PKD1: variants seen among roughly 807,000 people sequenced by gnomAD.
PKD1 encodes polycystin 1, transient receptor potential channel interacting.
A neutral mutation model predicts 361.7 loss-of-function variants in PKD1; 81 were observed. The observed-to-expected ratio is 0.22, with a 90% CI of 0.19 to 0.27. The LOEUF is 0.27. Ranked by LOEUF, PKD1 falls within the 10% of genes least tolerant of loss-of-function variation. PKD1 has a pLI of 1.00. For missense variants in PKD1, 6,399 were observed against 6,118.3 expected (o/e 1.05, Z -1.53); for synonymous variants, 3,615 against 2,818.3 (o/e 1.28, Z -8.95).
intron 1 of PKD1, among the ~76,000 whole-genome samples, chr16:2,129,414 C>T (rs1397228529): frequency 2.6e-5 from 4 of 151,870 alleles, no homozygotes; most frequent in Non-Finnish European, 4.4e-5. Context: ...AGGCGTGAGG[C>T]ACCGCGCCCG....
rs754490108 is a variant in PKD1 at position 2,100,610 on chromosome 16, A to G, written c.9398-44T>C. On this transcript the variant is annotated intron_variant, in intron 26 of 45. Transcript: ENST00000262304. The surrounding 1 kb of genome is among the most constrained non-coding windows in gnomAD (Gnocchi z 4.4). ...GGGTGGGAGGCTCGGTCTGCTGCCC[A>G]ACACGTGTGGCATCCCAGGCAAGTC... The G allele has an allele frequency of 6.5e-7, 1 of 1,541,002 alleles. No homozygotes were observed. The highest frequency in any genetic ancestry group is 2.2e-5 in the East Asian group (1 of 44,454).
At position 2,091,049 on chromosome 16, in the gene PKD1, C is replaced by T. The variant is rs1292752647; in HGVS notation, c.11838G>A (p.Ala3946=). 2.0e-6 allele frequency: 3 copies of T among 1,524,134 alleles called. No individual in the cohort carries two copies. The highest frequency in any genetic ancestry group is 2.0e-5 in the Admixed American group (1 of 50,218). 94.4% of individuals were successfully genotyped at this position (1,524,134 alleles called of 1,614,324 possible). A position where few individuals can be genotyped will look rare whatever the true frequency, so the allele number is the denominator to read the frequency against. Residue 3946 remains alanine (A), a synonymous_variant, in exon 43 of 46, where the codon GCG becomes GCA. Coordinates refer to ENST00000262304, the MANE Select transcript of PKD1 (RefSeq NM_001009944.3). Reference sequence around the variant, plus strand: ...GGGCGAGGCGTACCAGTGCCGTGGCCGCCGTCAGCGCCACCAGCAGCCACC... The same window carrying T: ...GGGCGAGGCGTACCAGTGCCGTGGCTGCCGTCAGCGCCACCAGCAGCCACC... ...WARWLLVALT[A]ATALVRLAQL...
In PKD1 at chr16:2,091,911, C is replaced by G. The variant is rs373922889; in HGVS notation, c.11412-5G>C. 6.8e-6 allele frequency: 11 copies of G among 1,611,486 alleles called. No individual in the cohort carries two copies. Among genetic ancestry groups the G allele is most frequent in the East Asian group, 4.5e-5 (2 of 44,880 alleles). On this transcript the variant is annotated splice_polypyrimidine_tract_variant and splice_region_variant and intron_variant, in intron 40 of 45. Coordinates refer to ENST00000262304, the MANE Select transcript of PKD1 (RefSeq NM_001009944.3). ...CAGGAGCCCCAGGACCATGCCCTGC[C>G]GGAGAGGGGTGGCGTGGGTGCCGCA...
In PKD1 at chr16:2,106,344, G is replaced by A. The variant is rs548602240; in HGVS notation, c.7490-40C>T. 4.4e-6 allele frequency: 7 copies of A among 1,604,360 alleles called. No individual in the cohort carries two copies. Among genetic ancestry groups the A allele is most frequent in the African/African-American group, 1.3e-5 (1 of 74,842 alleles). ...CCACGGCATCACGGGAGGGCTCCGT[G>A]ACGTCACAGAGTCGGGGGATCCCGC... On this transcript the variant is annotated intron_variant, in intron 18 of 45. Coordinates refer to ENST00000262304, the MANE Select transcript of PKD1 (RefSeq NM_001009944.3). This position sits in a 1 kb window ranked among gnomAD's most constrained non-coding sequence, Gnocchi z 6.5.
chr16:2,123,059 C>A (rs1168867569), intron 1 of PKD1, among the ~76,000 whole-genome samples: 1 of 152,204 alleles, frequency 6.6e-6, no homozygotes, highest in East Asian at 1.9e-4. Flanking sequence ...ACCCCAGAGC[C>A]CCCCGGCTCC....
Position 2,114,656 on chromosome 16 carries a change from T to C in PKD1, c.2367A>G (p.Gly789=), listed in dbSNP as rs1288683683. 1.0e-5 allele frequency: 16 copies of C among 1,553,694 alleles called. No individual in the cohort carries two copies. The highest frequency in any genetic ancestry group is 3.5e-5 in the South Asian group (3 of 85,820). The change falls in exon 11 of 46, where the codon GGA becomes GGG. Residue 789 remains glycine, a synonymous_variant. Transcript: ENST00000262304. ...CCTCATAGCGCCCAGGCAGCCGCAG[T>C]CCAGGGTTGGGCCTCAAGCCCAGCA... is the stretch of plus-strand genomic sequence containing the variant. ...TVLLGLRPNP[G]LRLPGRYEVR...
intron 26 of PKD1, among the ~76,000 whole-genome samples, chr16:2,101,228 G>A (rs193227982): frequency 3.3e-5 from 5 of 152,240 alleles, no homozygotes; most frequent in Admixed American, 2.6e-4. Flanking sequence ...CCCGTGATTT[G>A]CCTGCCTGGC....
rs973293202 is a variant in PKD1 at position 2,091,458 on chromosome 16, G to A, written c.11677C>T (p.Leu3893Phe). Residue 3893 changes from leucine to phenylalanine, a missense_variant, in exon 42 of 46, where the codon CTC (leucine) becomes TTC (phenylalanine). Physicochemically the swap from Leu to Phe is conservative, Grantham distance 22. Coordinates refer to ENST00000262304, the MANE Select transcript of PKD1 (RefSeq NM_001009944.3). The part of the protein sequence containing the change: ...LSVRPFALRR[L>F]SAGLSLPLLT... ...AGAGGCAGCGAGAGGCCCGCGCTGAGGCGGCGCAGCGCAAAGGGGCGGACG... is the reference window on the plus strand; with the variant it reads ...AGAGGCAGCGAGAGGCCCGCGCTGAAGCGGCGCAGCGCAAAGGGGCGGACG... 3.2e-6 allele frequency: 4 copies of A among 1,259,342 alleles called. No individual in the cohort carries two copies. The highest frequency in any genetic ancestry group is 9.1e-5 in the Admixed American group (2 of 21,956). The allele number at this position is 1,259,342 out of a possible 1,614,324, so 78.0% of individuals were successfully genotyped here. A position where few individuals can be genotyped will look rare whatever the true frequency, so the allele number is the denominator to read the frequency against.
rs770994866 is a variant in PKD1 at position 2,100,197 on chromosome 16, C to T, written c.9681G>A (p.Gly3227=). Residue 3227 remains glycine (G), a synonymous_variant, in exon 28 of 46, where the codon GGG becomes GGA. Coordinates refer to ENST00000262304, the MANE Select transcript of PKD1 (RefSeq NM_001009944.3). The surrounding 1 kb of genome is among the most constrained non-coding windows in gnomAD (Gnocchi z 4.4). ...CCAGCACCTCCTTCTCCACCAGGCC[C>T]CCGTTGGCCTCCGTCTCCACCGAAA... ...DWLSVETEAN[G]GLVEKEVLAA... is the part of the protein sequence containing the mutation. 1 of 1,609,764 alleles carries T rather than the reference C, an allele frequency of 6.2e-7. No homozygotes were observed. The highest frequency in any genetic ancestry group is 8.5e-7 in the Non-Finnish European group (1 of 1,179,018).
chr16:2,120,245 A>C (rs1470358935), intron 1 of PKD1: 1 of 205,776 alleles, frequency 4.9e-6, no homozygotes, highest in African/African-American at 2.3e-5. Context: ...ATTAATAAAT[A>C]AAACATCAAA....
chr16:2,125,601 G>A (rs1212273989), intron 1 of PKD1, among the ~76,000 whole-genome samples: 1 of 152,170 alleles, frequency 6.6e-6, no homozygotes, highest in East Asian at 1.9e-4. Context: ...GGGAGTCTGC[G>A]ATGTCCTTGC....
In PKD1 at chr16:2,103,617, C is replaced by T. The variant is rs149151043; in HGVS notation, c.8440G>A (p.Gly2814Arg). Residue 2814 changes from glycine to arginine, a missense_variant, in exon 23 of 46, where the codon GGG becomes AGG. Coordinates refer to ENST00000262304, the MANE Select transcript of PKD1 (RefSeq NM_001009944.3). ...ACGTCACTGAGGTTGGCCAGGGCCCCGCTGAAAGCCTCGGGGATGGAGAAG... is the reference window on the plus strand; with the variant it reads ...ACGTCACTGAGGTTGGCCAGGGCCCTGCTGAAAGCCTCGGGGATGGAGAAG... The part of the protein sequence containing the change: ...CHFSIPEAFS[G>R]ALANLSDVVQ... The T allele has an allele frequency of 7.3e-3, 11,835 of 1,610,450 alleles. 62 individuals carry two copies. Among genetic ancestry groups the T allele is most frequent in the Non-Finnish European group, 8.4e-3 (9,929 of 1,179,710 alleles).
Position 2,135,698 on chromosome 16 carries a change from C to A in PKD1, c.-9G>T, listed in dbSNP as rs914967557. On this transcript the variant is annotated 5_prime_UTR_variant, in exon 1 of 46. Transcript: ENST00000262304. ...GGCGCGGCGGGCGGCATCGTTAGGG[C>A]AGCGCGCGCATGGCCCCGCCGTCCC... 3 of 877,362 alleles carry A rather than the reference C, an allele frequency of 3.4e-6. No individual in the cohort carries two copies. The African/African-American group carries it at 5.5e-5, about 16-fold the overall frequency. The allele number at this position is 877,362 out of a possible 1,614,324, so 54.3% of individuals were successfully genotyped here. A position where few individuals can be genotyped will look rare whatever the true frequency, so the allele number is the denominator to read the frequency against.
At chr16:2,126,686 G>A (rs566163202) in intron 1 of PKD1, among the ~76,000 whole-genome samples, 1 of 152,388 alleles carries the variant, frequency 6.6e-6, no homozygotes, top group East Asian at 1.9e-4. Context: ...GCAGCGGGAT[G>A]TTTTCATTCC....
At chr16:2,107,823 T>C (rs2092397428) in intron 16 of PKD1, 60 bp downstream of exon 16, 3 of 1,498,016 alleles carry the variant, frequency 2.0e-6, no homozygotes, top group Non-Finnish European at 2.7e-6. Flanking sequence ...CGGAAAACAG[T>C]AGATGACCAG....
At chr16:2,112,658 A>G in intron 13 of PKD1, 130 bp downstream of exon 13, 1 of 1,148,688 alleles carries the variant, frequency 8.7e-7, no homozygotes. Flanking sequence ...CTGTGCACCC[A>G]GTTACCTCCC....
intron 21 of PKD1, 55 bp from the exon 22 acceptor site, chr16:2,104,697 C>A: frequency 9.7e-7 from 1 of 1,031,166 alleles, no homozygotes; most frequent in Non-Finnish European, 1.4e-6. Flanking sequence ...CTTGCACACG[C>A]CCTCCTCTCT....
At position 2,091,094 on chromosome 16, in the gene PKD1, C is replaced by T; in HGVS notation, c.11793G>A (p.Leu3931=). 7.3e-6 allele frequency: 11 copies of T among 1,500,258 alleles called. No homozygotes were observed. Among genetic ancestry groups the T allele is most frequent in the Non-Finnish European group, 9.7e-6 (11 of 1,130,060 alleles). 92.9% of individuals were successfully genotyped at this position (1,500,258 alleles called of 1,614,324 possible). A position where few individuals can be genotyped will look rare whatever the true frequency, so the allele number is the denominator to read the frequency against. ...GCCACCGCGCCCAGGCTCCGAGCCGCAGCACGCGCCAGCGCCCTTCCCTGT... is the reference window on the plus strand; with the variant it reads ...GCCACCGCGCCCAGGCTCCGAGCCGTAGCACGCGCCAGCGCCCTTCCCTGT... ...TWHREGRWRV[L]RLGAWARWLL... is the part of the protein sequence containing the mutation. The change falls in exon 43 of 46, where the codon CTG becomes CTA. Residue 3931 remains leucine, a synonymous_variant. Coordinates refer to ENST00000262304, the MANE Select transcript of PKD1 (RefSeq NM_001009944.3).
At chr16:2,107,785 G>A in intron 16 of PKD1, 98 bp downstream of exon 16, 2 of 1,113,476 alleles carry the variant, frequency 1.8e-6, no homozygotes, top group Non-Finnish European at 2.6e-6. Context: ...AGAGGGGAGA[G>A]CGTGCGGCCT....
Sources: gnomAD v4.1 joint callset for allele counts (sites outside exome capture counted in the v4.1 genomes callset) on GRCh38, gnomAD v4.1.1 for gene constraint, Gnocchi (gnomAD v3.1) non-coding constraint, MANE v1.5 for transcripts, NCBI Gene and HGNC (gene_info 2026-07-23, HGNC 2026-07-21) for gene names.